The following GALNT15 variants were observed in gnomAD, a reference collection of about 807,000 sequenced individuals.
The protein encoded by GALNT15 is polypeptide N-acetylgalactosaminyltransferase 15.
In GALNT15, 67 loss-of-function variants were observed where a neutral mutation model predicts 66.8. The observed-to-expected ratio is 1.00, with a 90% CI of 0.82 to 1.23. The LOEUF (loss-of-function observed/expected upper bound fraction) is 1.23. Among genes scored for constraint, GALNT15 ranks in the 50% most tolerant of loss-of-function variants. The probability of loss-of-function intolerance (pLI) is 0.00; values close to 1 mark genes in which losing one functional copy is unlikely to be tolerated. For missense variants in GALNT15, 827 were observed against 804.3 expected, an observed-to-expected ratio of 1.03 and a Z score of -0.34; for synonymous variants, 313 against 311.5, an observed-to-expected ratio of 1.00 and a Z score of -0.05.
intron 9 of GALNT15, among the ~76,000 whole-genome samples, chr3:16,226,409 G>T (rs1482346306): frequency 6.6e-6 from 1 of 151,798 alleles, no homozygotes; most frequent in Non-Finnish European, 1.5e-5. Context: ...GAAAAAAAAA[G>T]AGGTTTAATT....
Position 16,200,749 on chromosome 3 carries a change from C to T in GALNT15, c.837C>T (p.Leu279=), listed in dbSNP as rs374048513. 8.7e-6 allele frequency: 14 copies of T among 1,612,752 alleles called. No homozygotes were observed. Among genetic ancestry groups the T allele is most frequent in the Middle Eastern group, 1.7e-4 (1 of 6,040 alleles). The change falls in exon 3 of 10, where the codon CTC becomes CTT. Residue 279 remains leucine, a synonymous_variant. Transcript: ENST00000339732. This position sits in a 1 kb window ranked among gnomAD's most constrained non-coding sequence, Gnocchi z 4.4. ...CCACCAGAGCCACCGGGGATGTGCT[C>T]GTCTTCATGGATGCCCACTGCGAGT... is the stretch of plus-strand genomic sequence containing the variant. ...LGATRATGDV[L]VFMDAHCECH... is the part of the protein sequence containing the mutation.
chr3:16,239,485 T>C, the GALNT15 span, among the ~76,000 whole-genome samples: 1 of 152,112 alleles, frequency 6.6e-6, no homozygotes, highest in Non-Finnish European at 1.5e-5. The surrounding 1 kb of genome is among the most constrained non-coding windows in gnomAD (Gnocchi z 5.2). Context: ...TCCTGGGTAT[T>C]ATCCATTCAG....
the GALNT15 span, among the ~76,000 whole-genome samples, chr3:16,242,229 T>A: frequency 6.6e-6 from 1 of 152,184 alleles, no homozygotes; most frequent in Non-Finnish European, 1.5e-5. The surrounding 1 kb of genome is among the most constrained non-coding windows in gnomAD (Gnocchi z 5.6). Context: ...AGACCCCACT[T>A]ATCAAAGGGA....
chr3:16,178,409 G>C (rs1360930522), intron 1 of GALNT15, among the ~76,000 whole-genome samples: 1 of 152,214 alleles, frequency 6.6e-6, no homozygotes, highest in African/African-American at 2.4e-5. Context: ...CAGTCGGGAG[G>C]AAACTCCTCA....
chr3:16,212,254 A>G (rs930505575), intron 5 of GALNT15, among the ~76,000 whole-genome samples: 2 of 151,942 alleles, frequency 1.3e-5, no homozygotes, highest in Non-Finnish European at 2.9e-5. Flanking sequence ...TAGGGGTGCT[A>G]ATTCACATGC....
In GALNT15 at chr3:16,175,382, G is replaced by A. The variant is rs1181262777; in HGVS notation, c.231G>A (p.Glu77=). The A allele has an allele frequency of 6.2e-7, 1 of 1,614,088 alleles. No homozygotes were observed. Among genetic ancestry groups the A allele is most frequent in the East Asian group, 2.2e-5 (1 of 44,890 alleles). The change falls in exon 1 of 10, where the codon GAG becomes GAA. Residue 77 remains glutamate, a synonymous_variant. Coordinates refer to ENST00000339732, the MANE Select transcript of GALNT15 (RefSeq NM_054110.5). The surrounding 1 kb of genome is among the most constrained non-coding windows in gnomAD (Gnocchi z 5.6). The part of the protein sequence containing the change: ...WVLEAEDEGE[E]YSPLEGLPPF... The stretch of plus-strand genomic sequence containing the variant: ...TGGAAGCTGAGGATGAGGGTGAAGA[G>A]TACAGCCCTCTGGAGGGCCTGCCAC...
chr3:16,242,021 C>A, the GALNT15 span, among the ~76,000 whole-genome samples: 5 of 152,212 alleles, frequency 3.3e-5, no homozygotes, highest in Non-Finnish European at 4.4e-5. The surrounding 1 kb of genome is among the most constrained non-coding windows in gnomAD (Gnocchi z 5.6). Flanking sequence ...GCCCTCCCCT[C>A]TCCATATAAT....
intron 3 of GALNT15, among the ~76,000 whole-genome samples, chr3:16,201,469 CCG>C (rs2063702925): frequency 1.3e-5 from 2 of 152,334 alleles, no homozygotes; most frequent in East Asian, 3.9e-4. Context: ...GCGTGAGCCA[CCG>C]CGCCTGGCCG....
intron 8 of GALNT15, chr3:16,220,365 G>A (rs1394906): frequency 0.69 from 209,196 of 301,372 alleles, 73,736 homozygotes; most frequent in Admixed American, 0.8. Flanking sequence ...GCAGGGTTCA[G>A]TTGTCCCAGG....
At chr3:16,233,669 T>C (rs1336537731), downstream of GALNT15, among the ~76,000 whole-genome samples, 1 of 152,240 alleles carries the variant, frequency 6.6e-6, no homozygotes, top group Non-Finnish European at 1.5e-5. Context: ...TATTCCACTC[T>C]TACTTTTCCT....
At chr3:16,196,068 G>A in intron 2 of GALNT15, 142 bp downstream of exon 2, 1 of 787,542 alleles carries the variant, frequency 1.3e-6, no homozygotes, top group Non-Finnish European at 2.0e-6. Flanking sequence ...TAATGGGCAA[G>A]TAACTTATGA....
rs1179632928 is a variant in GALNT15 at position 16,182,331 on chromosome 3, T to G, written c.539+6641T>G. ...ACATTAGAACCAATGAGTCGTCATG[T>G]CAAGGCTCCAAAGCAGACCAAGTAA... On this transcript the variant is annotated intron_variant, in intron 1 of 9. Coordinates refer to ENST00000339732, the MANE Select transcript of GALNT15 (RefSeq NM_054110.5). The surrounding 1 kb of genome is among the most constrained non-coding windows in gnomAD (Gnocchi z 6.1). Among the ~76,000 whole-genome samples the G allele has an allele frequency of 6.6e-6, 1 of 152,192 alleles. No homozygotes were observed. The highest frequency in any genetic ancestry group is 1.5e-5 in the Non-Finnish European group (1 of 68,034).
In GALNT15 at chr3:16,183,693, G is replaced by A. The variant is rs9310494; in HGVS notation, c.539+8003G>A. Among the ~76,000 whole-genome samples, 7,128 of 152,194 alleles carry A rather than the reference G, an allele frequency of 0.047. 553 individuals are homozygous for A. Among genetic ancestry groups the A allele is most frequent in the African/African-American group, 0.16 (6,680 of 41,462 alleles). ...ATAGAGAAGCCTATCCGAGTGGGGC[G>A]CCTCCACTGATTTGATAGGAACTGG... On this transcript the variant is annotated intron_variant, in intron 1 of 9. Coordinates refer to ENST00000339732, the MANE Select transcript of GALNT15 (RefSeq NM_054110.5). This position sits in a 1 kb window ranked among gnomAD's most constrained non-coding sequence, Gnocchi z 5.2.
chr3:16,231,924 C>A, downstream of GALNT15: 2 of 1,534,572 alleles, frequency 1.3e-6, no homozygotes, highest in South Asian at 1.2e-5. This position sits in a 1 kb window ranked among gnomAD's most constrained non-coding sequence, Gnocchi z 4.1. Context: ...GCCGATCACT[C>A]TCCTCTAGGC....
chr3:16,208,856 T>C (rs1035215688), intron 4 of GALNT15, among the ~76,000 whole-genome samples, 186 bp downstream of exon 4: 2 of 152,222 alleles, frequency 1.3e-5, no homozygotes, highest in African/African-American at 4.8e-5. Flanking sequence ...CTATAAGGGT[T>C]GTTGTGAAGA....
At chr3:16,242,872 A>G in the GALNT15 span, among the ~76,000 whole-genome samples, 1 of 152,196 alleles carries the variant, frequency 6.6e-6, no homozygotes, top group Non-Finnish European at 1.5e-5. The surrounding 1 kb of genome is among the most constrained non-coding windows in gnomAD (Gnocchi z 5.6). Flanking sequence ...ATGTAAGTGC[A>G]GAACCTGAGC....
the GALNT15 span, among the ~76,000 whole-genome samples, chr3:16,241,296 G>A: frequency 8.5e-4 from 130 of 152,252 alleles, no homozygotes; most frequent in African/African-American, 2.9e-3. This position sits in a 1 kb window ranked among gnomAD's most constrained non-coding sequence, Gnocchi z 4.6. Flanking sequence ...AGCGATCACA[G>A]CATCTTTCTT....
chr3:16,235,454 A>G (rs1426230403), downstream of GALNT15, among the ~76,000 whole-genome samples: 1 of 152,216 alleles, frequency 6.6e-6, no homozygotes, highest in Non-Finnish European at 1.5e-5. Flanking sequence ...GAAGTATACC[A>G]TAGAAGTTAG....
chr3:16,175,713 C>G lies in GALNT15; in HGVS notation c.539+23C>G. On this transcript the variant is annotated intron_variant, in intron 1 of 9. Coordinates refer to ENST00000339732, the MANE Select transcript of GALNT15 (RefSeq NM_054110.5). The surrounding 1 kb of genome is among the most constrained non-coding windows in gnomAD (Gnocchi z 5.6). Reference sequence around the variant, plus strand: ...ACTGTAAGTAAGGCCCTTGTTTTCCCTTCCCTGATCCCAGGGCATGATCGG... The same window carrying G: ...ACTGTAAGTAAGGCCCTTGTTTTCCGTTCCCTGATCCCAGGGCATGATCGG... The G allele has an allele frequency of 6.5e-7, 1 of 1,534,256 alleles. No homozygotes were observed. Among genetic ancestry groups the G allele is most frequent in the African/African-American group, 1.4e-5 (1 of 72,380 alleles).
Sources: allele counts gnomAD v4.1 joint callset (sites outside exome capture counted in the v4.1 genomes callset), GRCh38; gene constraint gnomAD v4.1.1; non-coding constraint Gnocchi (gnomAD v3.1); transcripts MANE v1.5; gene names NCBI Gene and HGNC (gene_info 2026-07-23, HGNC 2026-07-21).